Variants in TAFA2 observed in about 807,000 individuals in gnomAD.
TAFA2 encodes chemokine-like protein TAFA-2.
Under a neutral mutation model 18.8 loss-of-function variants are expected in TAFA2, and 7 were observed. The ratio of observed to expected loss-of-function variants is 0.37; its 90% CI spans 0.21 to 0.70. TAFA2 has a LOEUF of 0.70. Among genes scored for constraint, TAFA2 ranks in the 30% least tolerant of loss-of-function variants. TAFA2 has a pLI of 0.53. For missense variants in TAFA2, 122 were observed against 158.1 expected (o/e 0.77, Z 1.23); for synonymous variants, 60 against 54.2 (o/e 1.11, Z -0.47).
At chr12:61,821,507 G>A (rs1314254900) in intron 2 of TAFA2, among the ~76,000 whole-genome samples, 1 of 151,986 alleles carries the variant, frequency 6.6e-6, no homozygotes, top group Non-Finnish European at 1.5e-5. Context: ...AAGAAAATAA[G>A]CAGGGAAGGA....
intron 4 of TAFA2, among the ~76,000 whole-genome samples, chr12:61,735,226 G>T (rs745421110): frequency 2.0e-4 from 30 of 151,774 alleles, no homozygotes; most frequent in Non-Finnish European, 3.5e-4. Flanking sequence ...AAATTCTTTG[G>T]TATTGATATT....
chr12:61,954,682 A>G (rs1161198973), intron 1 of TAFA2, among the ~76,000 whole-genome samples: 1 of 152,116 alleles, frequency 6.6e-6, no homozygotes, highest in Non-Finnish European at 1.5e-5. Context: ...CTTTGTCCAA[A>G]TGATGCTTAA....
chr12:62,169,322 T>C (rs2062461254), intron 1 of TAFA2, among the ~76,000 whole-genome samples: 1 of 152,146 alleles, frequency 6.6e-6, no homozygotes, highest in African/African-American at 2.4e-5. Flanking sequence ...AGTTGTCTGA[T>C]TCCAAAGTCT....
chr12:61,971,536 A>C (rs896175903), intron 1 of TAFA2, among the ~76,000 whole-genome samples: 2 of 151,770 alleles, frequency 1.3e-5, no homozygotes, highest in Non-Finnish European at 2.9e-5. Context: ...ATGGAATACT[A>C]TGCAGCCATA....
At chr12:61,721,196 G>A in intron 4 of TAFA2, among the ~76,000 whole-genome samples, 1 of 152,086 alleles carries the variant, frequency 6.6e-6, no homozygotes, top group East Asian at 1.9e-4. Context: ...AAAAAGGACA[G>A]TAAGCATTTC....
At chr12:62,172,430 T>C (rs1401189759) in intron 1 of TAFA2, among the ~76,000 whole-genome samples, 2 of 152,114 alleles carry the variant, frequency 1.3e-5, no homozygotes, top group Non-Finnish European at 2.9e-5. Flanking sequence ...CCCCAAAAGC[T>C]CCACATAGAA....
At chr12:61,768,362 G>C (rs557561641) in intron 2 of TAFA2, among the ~76,000 whole-genome samples, 40 of 152,282 alleles carry the variant, frequency 2.6e-4, no homozygotes, top group Non-Finnish European at 1.6e-4. Context: ...CGGATGGACA[G>C]AGCAGCTTGT....
intron 2 of TAFA2, among the ~76,000 whole-genome samples, chr12:61,834,255 T>A (rs186420186): frequency 6.6e-6 from 1 of 152,186 alleles, no homozygotes; most frequent in African/African-American, 2.4e-5. Flanking sequence ...ATTCAGCTTA[T>A]AGGGATCTCC....
intron 1 of TAFA2, among the ~76,000 whole-genome samples, chr12:62,046,577 T>C (rs1881915387): frequency 6.6e-6 from 1 of 152,106 alleles, no homozygotes; most frequent in South Asian, 2.1e-4. Context: ...AGAATAAATC[T>C]AATATAAAAC....
intron 1 of TAFA2, among the ~76,000 whole-genome samples, chr12:61,908,075 G>A (rs957213777): frequency 2.0e-5 from 3 of 152,134 alleles, no homozygotes; most frequent in Non-Finnish European, 4.4e-5. Flanking sequence ...TTGGACTGTG[G>A]ACTTTTGAGC....
intron 2 of TAFA2, among the ~76,000 whole-genome samples, chr12:61,803,851 C>A (rs1392675208): frequency 1.3e-5 from 2 of 151,888 alleles, no homozygotes; most frequent in Non-Finnish European, 2.9e-5. Context: ...AACTAACCTG[C>A]ACGTTGTGCA....
intron 4 of TAFA2, among the ~76,000 whole-genome samples, chr12:61,727,685 A>C (rs568478324): frequency 1.5e-4 from 23 of 151,922 alleles, no homozygotes; most frequent in Non-Finnish European, 2.1e-4. Context: ...TGTTTCACTT[A>C]ACTTTTGTAT....
intron 2 of TAFA2, among the ~76,000 whole-genome samples, chr12:61,784,730 C>T (rs912104621): frequency 1.3e-5 from 2 of 149,840 alleles, no homozygotes; most frequent in East Asian, 2.0e-4. Flanking sequence ...TTCAAATTTA[C>T]GTTACATAAA....
At chr12:62,122,532 G>A (rs1184015598) in intron 1 of TAFA2, among the ~76,000 whole-genome samples, 1 of 152,104 alleles carries the variant, frequency 6.6e-6, no homozygotes, top group East Asian at 1.9e-4. Context: ...TCATTATCGT[G>A]TGGTTTTATA....
At chr12:62,150,651 A>G (rs1002495341) in intron 1 of TAFA2, among the ~76,000 whole-genome samples, 3 of 152,038 alleles carry the variant, frequency 2.0e-5, no homozygotes, top group African/African-American at 7.2e-5. Flanking sequence ...ACCTGTAATC[A>G]CAGCACTTTG....
At chr12:62,257,033 G>A (rs1219121139) in intron 1 of TAFA2, among the ~76,000 whole-genome samples, 1 of 152,070 alleles carries the variant, frequency 6.6e-6, no homozygotes, top group African/African-American at 2.4e-5. Context: ...AACTGAGACA[G>A]TGGTTCCTGA....
chr12:61,741,990 G>T (rs1236208394), intron 4 of TAFA2, among the ~76,000 whole-genome samples: 1 of 152,084 alleles, frequency 6.6e-6, no homozygotes, highest in Admixed American at 6.6e-5. Flanking sequence ...TCCACCTCCT[G>T]GGTTCAAGCA....
intron 1 of TAFA2, among the ~76,000 whole-genome samples, chr12:62,130,193 C>T (rs745555961): frequency 2.0e-5 from 3 of 151,926 alleles, no homozygotes; most frequent in Non-Finnish European, 4.4e-5. Flanking sequence ...AGGGACTGTA[C>T]AACCATAGTT....
chr12:61,841,046 T>C (rs545050491), intron 2 of TAFA2, among the ~76,000 whole-genome samples: 16 of 151,936 alleles, frequency 1.1e-4, no homozygotes, highest in Non-Finnish European at 1.6e-4. Context: ...CACAGGACAC[T>C]ATGTTCATCC....
Sources: gnomAD v4.1 joint callset for allele counts (sites outside exome capture counted in the v4.1 genomes callset) on GRCh38, gnomAD v4.1.1 for gene constraint, MANE v1.5 for transcripts, NCBI Gene and HGNC (gene_info 2026-07-23, HGNC 2026-07-21) for gene names.